Variants in FRAS1 observed in about 807,000 individuals in gnomAD.
FRAS1 encodes the protein extracellular matrix organizing protein FRAS1.
Under a neutral mutation model 435.2 loss-of-function variants are expected in FRAS1, and 290 were observed. The ratio of observed to expected loss-of-function variants is 0.67; its 90% confidence interval spans 0.61 to 0.73. The LOEUF (loss-of-function observed/expected upper bound fraction) is 0.73. FRAS1 is among the 30% of genes least tolerant of loss of function. The pLI is 0.00. For missense variants in FRAS1, 4,860 were observed against 5,001.5 expected (o/e 0.97, Z 0.85); for synonymous variants, 1,800 against 1,851.0 (o/e 0.97, Z 0.71).
At chr4:78,126,329 G>A (rs867987241) in intron 2 of FRAS1, among the ~76,000 whole-genome samples, 1 of 152,196 alleles carries the variant, frequency 6.6e-6, no homozygotes, top group South Asian at 2.1e-4. Flanking sequence ...GGCTAGGAAA[G>A]GGAAATCCCC....
rs143229881 is a variant in FRAS1, at chr4:78,154,544, A to T, written c.109-82966A>T. Among the ~76,000 whole-genome samples the T allele has an allele frequency of 4.3e-4, 65 of 152,224 alleles. No homozygotes were observed. The East Asian group carries it at 8.3e-3, about 19-fold the overall frequency. ...TTTAAGGCCCAGTCTTCATCACTGTACTCTCTTTACACCTAACAGGTTCTA... is the reference window on the plus strand; with the variant it reads ...TTTAAGGCCCAGTCTTCATCACTGTTCTCTCTTTACACCTAACAGGTTCTA... On this transcript the variant is annotated intron_variant, in intron 2 of 73. Coordinates refer to ENST00000512123, the MANE Select transcript of FRAS1 (RefSeq NM_025074.7).
chr4:78,435,666 A>C (rs1037903459), intron 38 of FRAS1, among the ~76,000 whole-genome samples: 1 of 151,688 alleles, frequency 6.6e-6, no homozygotes, highest in African/African-American at 2.4e-5. Flanking sequence ...TGAACCCAAA[A>C]GGTGGAAGTT....
rs757591237 is a variant in FRAS1, at chr4:78,537,121, C to A, written c.11219C>A (p.Thr3740Lys). 1.2e-6 allele frequency: 2 copies of A among 1,613,970 alleles called. No individual in the cohort carries two copies. Among genetic ancestry groups the A allele is most frequent in the Non-Finnish European group, 8.5e-7 (1 of 1,179,870 alleles). Residue 3740 changes from threonine (T) to lysine (K), a missense_variant, in exon 72 of 74, where the codon ACG (threonine) becomes AAG (lysine). Thr to Lys is a moderately conservative substitution (Grantham distance 78, BLOSUM62 -1). Coordinates refer to ENST00000512123, the MANE Select transcript of FRAS1 (RefSeq NM_025074.7). ...KDGYVPFFDP[T>K]GTIYNEGPQY... ...GGTTATGTGCCTTTCTTTGATCCCA[C>A]GGGGACAATCTACAATGAAGGGCCC... is the stretch of plus-strand genomic sequence containing the variant.
intron 1 of FRAS1, 76 bp from the exon 2 acceptor site, chr4:78,065,909 G>T (rs1740011523): frequency 9.1e-7 from 1 of 1,094,404 alleles, no homozygotes; most frequent in South Asian, 1.3e-5. Context: ...TGCAGTTTTA[G>T]CAGCAAGCTT....
intron 30 of FRAS1, among the ~76,000 whole-genome samples, chr4:78,401,879 T>C (rs1732908101): frequency 7.4e-6 from 1 of 135,972 alleles, no homozygotes; most frequent in Non-Finnish European, 1.7e-5. Flanking sequence ...TTGAGTTCTT[T>C]ATTGAAACTA....
chr4:78,274,595 G>A (rs1726897554), intron 9 of FRAS1, among the ~76,000 whole-genome samples: 1 of 152,156 alleles, frequency 6.6e-6, no homozygotes, highest in Non-Finnish European at 1.5e-5. Flanking sequence ...TCAGGAGCAG[G>A]TTGTTCATTT....
At chr4:78,081,975 T>TC (rs1553917090) in intron 2 of FRAS1, among the ~76,000 whole-genome samples, 1 of 152,262 alleles carries the variant, frequency 6.6e-6, no homozygotes, top group African/African-American at 2.4e-5. Context: ...ATTCTTTTTT[T>TC]CCCGCATCTT....
intron 58 of FRAS1, among the ~76,000 whole-genome samples, chr4:78,488,308 T>C (rs926826450): frequency 2.0e-5 from 3 of 152,218 alleles, no homozygotes; most frequent in African/African-American, 7.2e-5. Flanking sequence ...AAAAACCACA[T>C]CTCTGGCTTC....
chr4:78,142,102 A>G (rs1720214873), intron 2 of FRAS1, among the ~76,000 whole-genome samples: 1 of 151,946 alleles, frequency 6.6e-6, no homozygotes, highest in Non-Finnish European at 1.5e-5. Context: ...TCATATAACC[A>G]AATACCACCT....
At chr4:78,332,599 G>A (rs1051261288) in intron 18 of FRAS1, among the ~76,000 whole-genome samples, 1 of 152,220 alleles carries the variant, frequency 6.6e-6, no homozygotes, top group Non-Finnish European at 1.5e-5. Flanking sequence ...AACACCCCAT[G>A]CAGTATGTTC....
At chr4:78,400,569 A>T (rs1202209619) in intron 29 of FRAS1, among the ~76,000 whole-genome samples, 165 bp from the exon 30 acceptor site, 2 of 152,086 alleles carry the variant, frequency 1.3e-5, no homozygotes, top group African/African-American at 4.8e-5. Flanking sequence ...ATAAATATGC[A>T]TGTCTACACA....
Position 78,282,910 on chromosome 4 carries a change from C to G in FRAS1, c.1198C>G (p.Pro400Ala). The change falls in exon 12 of 74, where the codon CCA (proline) becomes GCA (alanine). Residue 400 changes from proline to alanine, a missense_variant. Coordinates refer to ENST00000512123, the MANE Select transcript of FRAS1 (RefSeq NM_025074.7). Reference protein sequence around the residue: ...TCYEPSCPPCPVGTLALEVKG... With the variant: ...TCYEPSCPPCAVGTLALEVKG... ...CTACGAGCCCTCTTGCCCACCATGT[C>G]CAGTGGGCACACTGGCCTTAGAGGT... 1.2e-6 allele frequency: 2 copies of G among 1,611,456 alleles called. No individual in the cohort carries two copies. The highest frequency in any genetic ancestry group is 1.7e-6 in the Non-Finnish European group (2 of 1,178,952).
chr4:78,323,950 G>A (rs185781125), intron 18 of FRAS1, among the ~76,000 whole-genome samples: 25 of 152,258 alleles, frequency 1.6e-4, no homozygotes, highest in African/African-American at 6.0e-4. Context: ...TAAAGATTCA[G>A]TCGGGTGGGG....
chr4:78,419,301 C>CT (rs1733672020), intron 33 of FRAS1, among the ~76,000 whole-genome samples: 1 of 152,178 alleles, frequency 6.6e-6, no homozygotes, highest in Non-Finnish European at 1.5e-5. Flanking sequence ...CATAGCATAG[C>CT]ATGCTGGATG....
At chr4:78,248,692 C>G (rs1298509229) in intron 4 of FRAS1, among the ~76,000 whole-genome samples, 1 of 152,108 alleles carries the variant, frequency 6.6e-6, no homozygotes, top group Non-Finnish European at 1.5e-5. Context: ...ATCTATAACT[C>G]CATAACAGGA....
chr4:78,203,649 C>T (rs1426041813), intron 2 of FRAS1, among the ~76,000 whole-genome samples: 1 of 152,124 alleles, frequency 6.6e-6, no homozygotes, highest in Non-Finnish European at 1.5e-5. Flanking sequence ...TCACTGCAAC[C>T]TCCACCTCCT....
chr4:78,308,031 G>A (rs766201396), intron 14 of FRAS1, 35 bp from the exon 15 acceptor site: 71 of 1,565,796 alleles, frequency 4.5e-5, no homozygotes, highest in East Asian at 9.1e-5. Context: ...CCTTTCTGCC[G>A]TAGATTACTC....
At chr4:78,394,450 G>A (rs942645893) in intron 29 of FRAS1, among the ~76,000 whole-genome samples, 9 of 151,886 alleles carry the variant, frequency 5.9e-5, no homozygotes, top group Non-Finnish European at 1.3e-4. Context: ...ATTTATTGAA[G>A]AGACTATTCT....
chr4:78,145,346 A>G (rs1157261029), intron 2 of FRAS1, among the ~76,000 whole-genome samples: 1 of 152,180 alleles, frequency 6.6e-6, no homozygotes, highest in Non-Finnish European at 1.5e-5. Flanking sequence ...AGATGTTTTC[A>G]TAGTCAGGAT....
Sources: gnomAD v4.1 joint callset for allele counts (sites outside exome capture counted in the v4.1 genomes callset) on GRCh38, gnomAD v4.1.1 for gene constraint, MANE v1.5 for transcripts, NCBI Gene and HGNC (gene_info 2026-07-23, HGNC 2026-07-21) for gene names.